LRRC4C: variants seen among roughly 807,000 people sequenced by gnomAD.
LRRC4C encodes leucine-rich repeat-containing protein 4C.
In LRRC4C, 5 loss-of-function variants were observed where a neutral mutation model predicts 33.6. The observed-to-expected ratio is 0.15, with a 90% CI of 0.08 to 0.31. The LOEUF is 0.31. Ranked by LOEUF, LRRC4C falls within the 10% of genes least tolerant of loss-of-function variation. The pLI is 1.00. For missense variants in LRRC4C, 560 were observed against 796.7 expected (o/e 0.70, Z 3.58); for synonymous variants, 329 against 302.0 (o/e 1.09, Z -0.93).
intron 3 of LRRC4C, among the ~76,000 whole-genome samples, chr11:40,453,136 C>G (rs1489724489): frequency 1.3e-5 from 2 of 151,952 alleles, no homozygotes; most frequent in African/African-American, 4.8e-5. Flanking sequence ...ACATATGTAA[C>G]AAACCTGCAC....
intron 1 of LRRC4C, among the ~76,000 whole-genome samples, chr11:41,156,180 C>T (rs1467494738): frequency 6.6e-6 from 1 of 152,050 alleles, no homozygotes; most frequent in Admixed American, 6.6e-5. Flanking sequence ...GTGTCTGCCC[C>T]AGTGTTGCTG....
intron 1 of LRRC4C, among the ~76,000 whole-genome samples, chr11:41,036,597 A>T (rs61876999): frequency 0.029 from 4,417 of 152,284 alleles, 65 homozygotes; most frequent in Middle Eastern, 0.044. Context: ...TCTTTGTCTT[A>T]ACATCAGACT....
At chr11:41,008,979 A>C (rs1854966368) in intron 1 of LRRC4C, among the ~76,000 whole-genome samples, 1 of 152,030 alleles carries the variant, frequency 6.6e-6, no homozygotes, top group Non-Finnish European at 1.5e-5. Context: ...ACTATTTTTA[A>C]AAAGGGGAAA....
At chr11:41,256,043 A>T (rs1160643288) in intron 1 of LRRC4C, among the ~76,000 whole-genome samples, 1 of 152,058 alleles carries the variant, frequency 6.6e-6, no homozygotes, top group Non-Finnish European at 1.5e-5. Flanking sequence ...TTAAAATCTA[A>T]AGCTCTGAAT....
intron 3 of LRRC4C, among the ~76,000 whole-genome samples, chr11:40,442,041 T>C (rs1340288568): frequency 1.3e-5 from 2 of 151,590 alleles, no homozygotes; most frequent in Non-Finnish European, 2.9e-5. Flanking sequence ...CAGGCGACTG[T>C]AGTCTCAGCT....
rs1278653859 is a variant in LRRC4C, at chr11:40,115,419, G to T, written c.874C>A (p.His292Asn). The change falls in exon 7 of 7, where the codon CAT becomes AAT. Residue 292 changes from histidine to asparagine, a missense_variant. His to Asn is a moderately conservative substitution (Grantham distance 68, BLOSUM62 1). Transcript: ENST00000528697. The surrounding 1 kb of genome is among the most constrained non-coding windows in gnomAD (Gnocchi z 6.7). ...TGATGTAAATGTATCCGCTCTAGAT[G>T]ATGCAAGGGAGTGAAGAGGTCATGA... The part of the protein sequence containing the change: ...LPHDLFTPLH[H>N]LERIHLHHNP... 6.2e-7 allele frequency: 1 copy of T among 1,614,192 alleles called. No homozygotes were observed. The highest frequency in any genetic ancestry group is 2.2e-5 in the East Asian group (1 of 44,874).
intron 2 of LRRC4C, among the ~76,000 whole-genome samples, chr11:40,910,410 T>C (rs1956617173): frequency 1.3e-5 from 2 of 152,218 alleles, no homozygotes; most frequent in African/African-American, 4.8e-5. Context: ...CATCTGGTTA[T>C]GGAAATACAG....
intron 3 of LRRC4C, among the ~76,000 whole-genome samples, chr11:40,526,460 C>T (rs1051061369): frequency 2.0e-5 from 3 of 149,924 alleles, no homozygotes; most frequent in Admixed American, 2.0e-4. Context: ...TCTAAATGGC[C>T]AATAAACAAA....
chr11:41,066,238 G>T (rs1938225993), intron 1 of LRRC4C, among the ~76,000 whole-genome samples: 1 of 152,084 alleles, frequency 6.6e-6, no homozygotes, highest in East Asian at 1.9e-4. Flanking sequence ...CTGATGGAGT[G>T]AAAAACACAG....
chr11:40,264,304 C>T (rs1333575823), intron 4 of LRRC4C, among the ~76,000 whole-genome samples: 1 of 152,172 alleles, frequency 6.6e-6, no homozygotes, highest in East Asian at 1.9e-4. Flanking sequence ...GTTGCCAACA[C>T]TTTAAAATTT....
intron 3 of LRRC4C, among the ~76,000 whole-genome samples, chr11:40,510,140 T>C (rs570560568): frequency 1.3e-5 from 2 of 151,140 alleles, no homozygotes; most frequent in African/African-American, 4.8e-5. Context: ...GTGTCTGACA[T>C]AGAACCCTGC....
chr11:40,334,352 G>A (rs997821140), intron 3 of LRRC4C, among the ~76,000 whole-genome samples: 2 of 151,996 alleles, frequency 1.3e-5, no homozygotes, highest in African/African-American at 4.8e-5. Flanking sequence ...AAGCCAATGG[G>A]TACTATTATC....
chr11:40,217,448 CAA>C (rs1397170036), intron 5 of LRRC4C, among the ~76,000 whole-genome samples: 2 of 152,014 alleles, frequency 1.3e-5, no homozygotes, highest in African/African-American at 4.8e-5. Context: ...TTTTTATAGT[CAA>C]AAGGCTCTGG....
At chr11:41,198,674 T>C (rs1946283161) in intron 1 of LRRC4C, among the ~76,000 whole-genome samples, 1 of 151,510 alleles carries the variant, frequency 6.6e-6, no homozygotes, top group Non-Finnish European at 1.5e-5. Context: ...AATTTTGGTC[T>C]GTGGGAAAGA....
chr11:41,074,330 C>T (rs1293835636), intron 1 of LRRC4C, among the ~76,000 whole-genome samples: 1 of 152,138 alleles, frequency 6.6e-6, no homozygotes, highest in Non-Finnish European at 1.5e-5. Flanking sequence ...AGAGATCTTT[C>T]CACTTTAAAG....
intron 5 of LRRC4C, among the ~76,000 whole-genome samples, chr11:40,155,731 A>G (rs1323439385): frequency 1.3e-5 from 2 of 152,162 alleles, no homozygotes; most frequent in African/African-American, 2.4e-5. Context: ...CCAACAAAAA[A>G]AAGTCCAAGA....
chr11:40,759,557 T>C (rs1471895711), intron 2 of LRRC4C, among the ~76,000 whole-genome samples: 2 of 151,740 alleles, frequency 1.3e-5, no homozygotes, highest in African/African-American at 2.4e-5. Flanking sequence ...GTTTTTGTCA[T>C]TACTTTCAAT....
At chr11:41,051,223 A>G (rs1858183261) in intron 1 of LRRC4C, among the ~76,000 whole-genome samples, 3 of 152,178 alleles carry the variant, frequency 2.0e-5, no homozygotes, top group Admixed American at 1.3e-4. Context: ...GCTAACACTT[A>G]AATGTTGGTG....
chr11:41,425,207 T>G (rs1272180903), intron 1 of LRRC4C, among the ~76,000 whole-genome samples: 1 of 152,072 alleles, frequency 6.6e-6, no homozygotes, highest in Non-Finnish European at 1.5e-5. Flanking sequence ...ATTAATCTCC[T>G]GATATGACAT....
Sources: gnomAD v4.1 joint callset for allele counts (sites outside exome capture counted in the v4.1 genomes callset) on GRCh38, gnomAD v4.1.1 for gene constraint, Gnocchi (gnomAD v3.1) non-coding constraint, MANE v1.5 for transcripts, NCBI Gene and HGNC (gene_info 2026-07-23, HGNC 2026-07-21) for gene names.